The following TIMM44 variants were observed in gnomAD, a reference collection of about 807,000 sequenced individuals.
TIMM44 encodes the protein mitochondrial import inner membrane translocase subunit TIM44.
In TIMM44, 37 loss-of-function variants were observed where a neutral mutation model predicts 63.8. The ratio of observed to expected loss-of-function variants is 0.58; its 90% CI spans 0.45 to 0.76. The LOEUF is 0.76. Ranked by LOEUF, TIMM44 falls within the 30% of genes least tolerant of loss-of-function variation. The probability of loss-of-function intolerance (pLI) is 0.00; values close to 1 mark genes in which losing one functional copy is unlikely to be tolerated. For missense variants in TIMM44, 573 were observed against 603.8 expected, an observed-to-expected ratio of 0.95 and a Z score of 0.54; for synonymous variants, 239 against 245.1, an observed-to-expected ratio of 0.98 and a Z score of 0.23.
chr19:7,940,593 G>A (rs1984283370), intron 2 of TIMM44, among the ~76,000 whole-genome samples: 1 of 152,124 alleles, frequency 6.6e-6, no homozygotes, highest in Non-Finnish European at 1.5e-5. Flanking sequence ...TGTACGCGCT[G>A]CCCGAATGTA....
intron 8 of TIMM44, 37 bp from the exon 9 acceptor site, chr19:7,932,788 C>A: frequency 6.2e-7 from 1 of 1,614,064 alleles, no homozygotes; most frequent in Non-Finnish European, 8.5e-7. Flanking sequence ...GGGGGAAGGC[C>A]GGGGACCCCG....
At chr19:7,938,232 A>G (rs758014848) in intron 2 of TIMM44, 35 bp from the exon 3 acceptor site, 2 of 1,548,374 alleles carry the variant, frequency 1.3e-6, no homozygotes, top group South Asian at 1.2e-5. Flanking sequence ...AATTTAAAGA[A>G]CATAGTAGAA....
intron 12 of TIMM44, 89 bp downstream of exon 12, chr19:7,927,568 T>A: frequency 2.2e-6 from 3 of 1,357,186 alleles, no homozygotes; most frequent in Non-Finnish European, 2.1e-6. Context: ...GCTTCAGGGC[T>A]CTGAGCTGGG....
At chr19:7,928,256 G>A (rs1983876427) in intron 10 of TIMM44, 90 bp from the exon 11 acceptor site, 4 of 1,166,280 alleles carry the variant, frequency 3.4e-6, no homozygotes, top group Admixed American at 2.1e-5. Context: ...CTGGCGCCCA[G>A]GTGCCCTGCC....
intron 2 of TIMM44, among the ~76,000 whole-genome samples, 177 bp downstream of exon 2, chr19:7,940,924 TG>T (rs1289607040): frequency 2.6e-5 from 4 of 151,950 alleles, no homozygotes; most frequent in Non-Finnish European, 5.9e-5. Context: ...CAAGTGTTTC[TG>T]GGACCGAGAA....
At position 7,932,925 on chromosome 19, in the gene TIMM44, G is replaced by T; in HGVS notation, c.777C>A (p.Phe259Leu). The change falls in exon 8 of 13, where the codon TTC becomes TTA. Residue 259 changes from phenylalanine (F) to leucine (L), a missense_variant. Coordinates refer to ENST00000270538, the MANE Select transcript of TIMM44 (RefSeq NM_006351.4). ...KENNVVFNRF[F>L]EMKMKYDESD... Reference sequence around the variant, plus strand: ...TTTCGTCATACTTCATCTTCATCTCGAAGAACCCTGTGGAAGATGGGGTAG... The same window carrying T: ...TTTCGTCATACTTCATCTTCATCTCTAAGAACCCTGTGGAAGATGGGGTAG... 6.2e-6 allele frequency: 10 copies of T among 1,614,044 alleles called. No homozygotes were observed. The highest frequency in any genetic ancestry group is 8.5e-6 in the Non-Finnish European group (10 of 1,179,956).
chr19:7,938,152 A>G lies in TIMM44; in HGVS notation c.187T>C (p.Leu63=). Residue 63 remains leucine, a synonymous_variant, in exon 3 of 13, where the codon TTG becomes CTG. Coordinates refer to ENST00000270538, the MANE Select transcript of TIMM44 (RefSeq NM_006351.4). ...SGNRKGFLSG[L]LDNVKQELAK... ...AATTCTTGTTTGACATTATCTAGCA[A>G]GCCGGACAGAAAGCCTTTTCTGTTT... The G allele has an allele frequency of 6.2e-7, 1 of 1,613,892 alleles. No homozygotes were observed. Among genetic ancestry groups the G allele is most frequent in the Non-Finnish European group, 8.5e-7 (1 of 1,179,988 alleles).
At chr19:7,937,268 CATAAAATAAAATAAA>C (rs113949042) in intron 3 of TIMM44, among the ~76,000 whole-genome samples, 4 of 152,114 alleles carry the variant, frequency 2.6e-5, no homozygotes, top group Non-Finnish European at 5.9e-5. Context: ...GACTCCATCT[CATAAAATAAAATAAA>C]ATAAAATAAA....
intron 1 of TIMM44, among the ~76,000 whole-genome samples, chr19:7,942,031 A>G (rs749082850): frequency 1.4e-4 from 21 of 152,198 alleles, no homozygotes; most frequent in Non-Finnish European, 2.8e-4. Context: ...CGCTCTGGGC[A>G]AAGACTGGGC....
chr19:7,938,197 A>T lies in TIMM44; in HGVS notation c.142T>A (p.Ser48Thr). Reference sequence around the variant, plus strand: ...CTGTTTCCAGAAGAATATGATTTGGACTAGAAAGAATGTACAAGAAAAAAA... The same window carrying T: ...CTGTTTCCAGAAGAATATGATTTGGTCTAGAAAGAATGTACAAGAAAAAAA... ...MRRPGGELPL[S>T]KSYSSGNRKG... The change falls in exon 3 of 13, where the codon TCC (serine) becomes ACC (threonine). Residue 48 changes from serine to threonine, a missense_variant and splice_region_variant. Coordinates refer to ENST00000270538, the MANE Select transcript of TIMM44 (RefSeq NM_006351.4). The T allele has an allele frequency of 6.2e-7, 1 of 1,612,282 alleles. No individual in the cohort carries two copies. The highest frequency in any genetic ancestry group is 8.5e-7 in the Non-Finnish European group (1 of 1,179,458).
rs563694946 is a variant in TIMM44 at position 7,927,133 on chromosome 19, G to A, written c.*54C>T. ...CTGGAGTTGCCGCAGGTGGTGTTGC[G>A]GTGCCTCTGTGCCTGATGACCCAGG... On this transcript the variant is annotated 3_prime_UTR_variant, in exon 13 of 13. Coordinates refer to ENST00000270538, the MANE Select transcript of TIMM44 (RefSeq NM_006351.4). 120 of 1,564,854 alleles carry A rather than the reference G, an allele frequency of 7.7e-5. No individual in the cohort carries two copies. The East Asian group carries it at 2.6e-3, about 33-fold the overall frequency.
intron 2 of TIMM44, among the ~76,000 whole-genome samples, chr19:7,939,680 C>T (rs1984250955): frequency 6.6e-6 from 1 of 150,996 alleles, no homozygotes; most frequent in Non-Finnish European, 1.5e-5. Flanking sequence ...CTTTGGGAGA[C>T]CGAGGTGGGC....
chr19:7,934,385 C>A lies in TIMM44; in HGVS notation c.394-147G>T. Reference sequence around the variant, plus strand: ...CCTTCTGTGCTCCTGTGGTACGCGGCACCCCCAGAGCCATGAGCACAACGG... The same window carrying A: ...CCTTCTGTGCTCCTGTGGTACGCGGAACCCCCAGAGCCATGAGCACAACGG... On this transcript the variant is annotated intron_variant, in intron 4 of 12. Transcript: ENST00000270538. The surrounding 1 kb of genome is among the most constrained non-coding windows in gnomAD (Gnocchi z 5.3). 9.3e-7 allele frequency: 1 copy of A among 1,075,736 alleles called. No homozygotes were observed. The allele number at this position is 1,075,736 out of a possible 1,614,324, so 66.6% of individuals were successfully genotyped here. A position where few individuals can be genotyped will look rare whatever the true frequency, so the allele number is the denominator to read the frequency against.
In TIMM44 at chr19:7,934,828, TGGCTAGCAGCACTTACTGCTGCC is replaced by T. The variant is rs1267865541; in HGVS notation, c.393+214_393+236del. 3.3e-5 allele frequency among the ~76,000 whole-genome samples: 5 copies of T among 152,316 alleles called. No individual in the cohort carries two copies. Among genetic ancestry groups the T allele is most frequent in the Non-Finnish European group, 5.9e-5 (4 of 68,002 alleles). On this transcript the variant is annotated intron_variant, in intron 4 of 12. Coordinates refer to ENST00000270538, the MANE Select transcript of TIMM44 (RefSeq NM_006351.4). This position sits in a 1 kb window ranked among gnomAD's most constrained non-coding sequence, Gnocchi z 5.3. ...ACATTTTCATGTTCTCCTCGAGTCC[TGGCTAGCAGCACTTACTGCTGCC>T]GACTCCCTGGGTCAACGGTCATGCA...
chr19:7,932,540 G>A, intron 9 of TIMM44, 87 bp downstream of exon 9: 1 of 1,574,904 alleles, frequency 6.3e-7, no homozygotes, highest in Non-Finnish European at 8.7e-7. Context: ...GAGTTCCCTG[G>A]CAGCACCCAG....
chr19:7,928,182 G>A lies in TIMM44; in HGVS notation c.1039-16C>T, dbSNP rs774417041. On this transcript the variant is annotated splice_polypyrimidine_tract_variant and intron_variant, in intron 10 of 12. Coordinates refer to ENST00000270538, the MANE Select transcript of TIMM44 (RefSeq NM_006351.4). ...GGCTGTAAGTCTGCAATGAGAGGCC[G>A]ACACGCCTGCGTGATGCCACCCAGG... is the stretch of plus-strand genomic sequence containing the variant. 27 of 1,609,378 alleles carry A rather than the reference G, an allele frequency of 1.7e-5. No homozygotes were observed. Among genetic ancestry groups the A allele is most frequent in the South Asian group, 4.4e-5 (4 of 90,620 alleles).
Position 7,933,352 on chromosome 19 carries a change from G to C in TIMM44, c.769+133C>G. On this transcript the variant is annotated intron_variant, in intron 7 of 12. Transcript: ENST00000270538. The surrounding 1 kb of genome is among the most constrained non-coding windows in gnomAD (Gnocchi z 4.3). The stretch of plus-strand genomic sequence containing the variant: ...CACCATCATGTGACCGCAAAGAAGT[G>C]ACCGGCCCACTCTGACCCCGATCTC... 1.2e-6 allele frequency: 1 copy of C among 841,292 alleles called. No homozygotes were observed. Among genetic ancestry groups the C allele is most frequent in the Non-Finnish European group, 2.1e-6 (1 of 475,662 alleles). The allele number at this position is 841,292 out of a possible 1,614,324, so 52.1% of individuals were successfully genotyped here.
At chr19:7,929,557 G>A (rs1983919604) in intron 10 of TIMM44, among the ~76,000 whole-genome samples, 1 of 152,264 alleles carries the variant, frequency 6.6e-6, no homozygotes, top group East Asian at 1.9e-4. Context: ...GTTCCCTCTG[G>A]CCCGGGGCCA....
At position 7,932,281 on chromosome 19, in the gene TIMM44, A is replaced by T. The variant is rs1984006826; in HGVS notation, c.987+346T>A. On this transcript the variant is annotated intron_variant, in intron 9 of 12. Coordinates refer to ENST00000270538, the MANE Select transcript of TIMM44 (RefSeq NM_006351.4). Reference sequence around the variant, plus strand: ...CTGGGGCCAGCTCTGATGTCTGAAGACAGACGCCCACTTCTCCCAAGGGGT... The same window carrying T: ...CTGGGGCCAGCTCTGATGTCTGAAGTCAGACGCCCACTTCTCCCAAGGGGT... 8.4e-6 allele frequency: 3 copies of T among 358,744 alleles called. No individual in the cohort carries two copies. In the South Asian group the frequency reaches 8.5e-5, roughly 10 times the overall value. 22.2% of individuals were successfully genotyped at this position (358,744 alleles called of 1,614,324 possible).
Sources: allele counts gnomAD v4.1 joint callset (sites outside exome capture counted in the v4.1 genomes callset), GRCh38; gene constraint gnomAD v4.1.1; non-coding constraint Gnocchi (gnomAD v3.1); transcripts MANE v1.5; gene names NCBI Gene and HGNC (gene_info 2026-07-23, HGNC 2026-07-21).